The following ZCWPW2 variants were observed in gnomAD, a reference collection of about 807,000 sequenced individuals.
ZCWPW2 encodes zinc finger CW-type and PWWP domain containing 2.
A neutral mutation model predicts 46.6 loss-of-function variants in ZCWPW2; 45 were observed. The ratio of observed to expected loss-of-function variants is 0.96; its 90% CI spans 0.76 to 1.24. The LOEUF (loss-of-function observed/expected upper bound fraction) is 1.24, where lower values mean the gene tolerates loss of function less well. Ranked by LOEUF, ZCWPW2 falls within the 50% of genes most tolerant of loss-of-function variation. The probability of loss-of-function intolerance (pLI) is 0.00; values close to 1 mark genes in which losing one functional copy is unlikely to be tolerated. For missense variants in ZCWPW2, 429 were observed against 403.9 expected, an observed-to-expected ratio of 1.06 and a Z score of -0.53; for synonymous variants, 152 against 137.1, an observed-to-expected ratio of 1.11 and a Z score of -0.76.
At chr3:28,397,298 A>C (rs1238318034) in intron 2 of ZCWPW2, among the ~76,000 whole-genome samples, 1 of 152,244 alleles carries the variant, frequency 6.6e-6, no homozygotes, top group African/African-American at 2.4e-5. Context: ...AATGAACGCA[A>C]AAACTATGTA....
At chr3:28,433,565 G>A (rs376266465) in intron 3 of ZCWPW2, among the ~76,000 whole-genome samples, 1 of 152,004 alleles carries the variant, frequency 6.6e-6, no homozygotes, top group Non-Finnish European at 1.5e-5. Flanking sequence ...TCAGGAGTTC[G>A]AGACCAGCCT....
At chr3:28,408,423 CATT>C (rs1204010575) in intron 2 of ZCWPW2, among the ~76,000 whole-genome samples, 1 of 152,058 alleles carries the variant, frequency 6.6e-6, no homozygotes, top group Non-Finnish European at 1.5e-5. Context: ...TCATTATTTG[CATT>C]ATTAATATTG....
At chr3:28,481,329 C>T (rs889385126) in intron 5 of ZCWPW2, among the ~76,000 whole-genome samples, 4 of 152,032 alleles carry the variant, frequency 2.6e-5, no homozygotes, top group African/African-American at 7.2e-5. Context: ...CCGCAACCTC[C>T]GCCTCCTGGG....
At chr3:28,498,317 T>C (rs908092807) in intron 6 of ZCWPW2, among the ~76,000 whole-genome samples, 1 of 151,450 alleles carries the variant, frequency 6.6e-6, no homozygotes, top group Non-Finnish European at 1.5e-5. Context: ...AAACTTATAA[T>C]TGAGACAACT....
At chr3:28,497,390 A>G (rs904004334) in intron 6 of ZCWPW2, among the ~76,000 whole-genome samples, 7 of 151,996 alleles carry the variant, frequency 4.6e-5, no homozygotes, top group Non-Finnish European at 7.4e-5. Context: ...ATAGCATACC[A>G]TAGTAGATGT....
chr3:28,488,294 A>T (rs1699675875), intron 5 of ZCWPW2, among the ~76,000 whole-genome samples: 1 of 152,042 alleles, frequency 6.6e-6, no homozygotes, highest in South Asian at 2.1e-4. Flanking sequence ...TTTTTCTCCA[A>T]ATTTGGGGAC....
At chr3:28,372,632 A>C (rs1174589369) in intron 1 of ZCWPW2, among the ~76,000 whole-genome samples, 3 of 152,118 alleles carry the variant, frequency 2.0e-5, no homozygotes, top group African/African-American at 7.2e-5. Flanking sequence ...ATTTTATTTT[A>C]ATAAGTTCAG....
intron 1 of ZCWPW2, among the ~76,000 whole-genome samples, chr3:28,381,739 T>A (rs1695115070): frequency 2.0e-5 from 3 of 151,934 alleles, no homozygotes; most frequent in Admixed American, 2.0e-4. Context: ...TGAGCTATGA[T>A]CCCACCACTG....
intron 6 of ZCWPW2, among the ~76,000 whole-genome samples, chr3:28,512,987 C>A (rs1700469245): frequency 6.6e-6 from 1 of 152,044 alleles, no homozygotes; most frequent in African/African-American, 2.4e-5. Flanking sequence ...AATGAGCATT[C>A]CCCTCTAACC....
intron 1 of ZCWPW2, among the ~76,000 whole-genome samples, chr3:28,384,774 C>T (rs533605265): frequency 2.6e-5 from 4 of 151,978 alleles, no homozygotes; most frequent in South Asian, 2.1e-4. Context: ...TTTCCACGGC[C>T]GGCTAATTTT....
chr3:28,390,251 A>AT (rs891242429), intron 1 of ZCWPW2, among the ~76,000 whole-genome samples: 2 of 152,194 alleles, frequency 1.3e-5, no homozygotes, highest in African/African-American at 4.8e-5. Context: ...ACAAAGAATT[A>AT]TTTTTATTAT....
chr3:28,514,421 C>A (rs1416073385), intron 7 of ZCWPW2, among the ~76,000 whole-genome samples: 1 of 151,980 alleles, frequency 6.6e-6, no homozygotes, highest in Non-Finnish European at 1.5e-5. Context: ...GAAAAAATAT[C>A]AAATGCCAGA....
intron 4 of ZCWPW2, among the ~76,000 whole-genome samples, chr3:28,467,113 G>C (rs1032593261): frequency 5.9e-5 from 9 of 152,100 alleles, no homozygotes; most frequent in Non-Finnish European, 1.2e-4. Context: ...AAACTCAAAA[G>C]TACTTGAAAG....
At chr3:28,376,843 T>A (rs1422954853) in intron 1 of ZCWPW2, among the ~76,000 whole-genome samples, 21 of 152,114 alleles carry the variant, frequency 1.4e-4, no homozygotes, top group Admixed American at 1.4e-3. Flanking sequence ...AAGTGTAATT[T>A]TAATGGAAGG....
At chr3:28,495,923 A>G (rs1303249416) in intron 6 of ZCWPW2, among the ~76,000 whole-genome samples, 1 of 152,026 alleles carries the variant, frequency 6.6e-6, no homozygotes, top group Non-Finnish European at 1.5e-5. Context: ...GGGCTGTGTA[A>G]AACAACTGTC....
At chr3:28,438,368 T>C (rs1697583918) in intron 4 of ZCWPW2, among the ~76,000 whole-genome samples, 1 of 152,144 alleles carries the variant, frequency 6.6e-6, no homozygotes, top group Non-Finnish European at 1.5e-5. Flanking sequence ...ACATTAAACA[T>C]AGGACATTTT....
At chr3:28,430,426 C>G (rs1438486259) in intron 3 of ZCWPW2, among the ~76,000 whole-genome samples, 4 of 152,220 alleles carry the variant, frequency 2.6e-5, no homozygotes, top group Non-Finnish European at 5.9e-5. Context: ...TAAGAATTAA[C>G]TAACTTGCTT....
In ZCWPW2 at chr3:28,481,609, T is replaced by C. The variant is rs140783197; in HGVS notation, c.610+2678T>C. Among the ~76,000 whole-genome samples, 378 of 152,322 alleles carry C rather than the reference T, an allele frequency of 2.5e-3. 1 individual carries two copies. The highest frequency in any genetic ancestry group is 8.3e-3 in the African/African-American group (345 of 41,580). On this transcript the variant is annotated intron_variant, in intron 5 of 9. Transcript: ENST00000383768. ...CATTTTATATTTTACAAGCCCCTTT[T>C]TGTCTTTATTACTTTAAGTTCTAAA...
intron 2 of ZCWPW2, among the ~76,000 whole-genome samples, chr3:28,395,987 A>G (rs1367807180): frequency 6.6e-6 from 1 of 152,190 alleles, no homozygotes; most frequent in Non-Finnish European, 1.5e-5. Flanking sequence ...TCAAAACATC[A>G]TGTTATATAC....
Sources: gnomAD v4.1 joint callset for allele counts (sites outside exome capture counted in the v4.1 genomes callset) on GRCh38, gnomAD v4.1.1 for gene constraint, MANE v1.5 for transcripts, NCBI Gene and HGNC (gene_info 2026-07-23, HGNC 2026-07-21) for gene names.